The following ZGRF1 variants were observed in gnomAD, a reference collection of about 807,000 sequenced individuals.
ZGRF1 encodes 5'-3' DNA helicase ZGRF1.
ZGRF1 carries 196 observed loss-of-function variants against 203.5 expected under a neutral mutation model. That is an observed-to-expected ratio of 0.96 (90% CI 0.86 to 1.08). The LOEUF is 1.08. ZGRF1 is among the 50% of genes least tolerant of loss of function. ZGRF1 has a pLI of 0.00. For missense variants in ZGRF1, 2,326 were observed against 2,416.3 expected, an observed-to-expected ratio of 0.96 and a Z score of 0.78; for synonymous variants, 809 against 841.3, an observed-to-expected ratio of 0.96 and a Z score of 0.66.
rs1326511941 is a variant in ZGRF1 at position 112,539,496 on chromosome 4, G to A, written c.*51C>T. 4 of 913,728 alleles carry A rather than the reference G, an allele frequency of 4.4e-6. No homozygotes were observed. The highest frequency in any genetic ancestry group is 6.6e-6 in the Non-Finnish European group (4 of 608,686). The allele number at this position is 913,728 out of a possible 1,614,324, so 56.6% of individuals were successfully genotyped here. A position where few individuals can be genotyped will look rare whatever the true frequency, so the allele number is the denominator to read the frequency against. On this transcript the variant is annotated 3_prime_UTR_variant, in exon 28 of 28. Transcript: ENST00000505019. ...AATAAAAATATAAAAAATATATCAT[G>A]TAAAATGAGTCTGAATTTACATAAA... is the stretch of plus-strand genomic sequence containing the variant.
chr4:112,589,469 G>C (rs1274786109), intron 11 of ZGRF1, among the ~76,000 whole-genome samples: 8 of 152,178 alleles, frequency 5.3e-5, no homozygotes, highest in African/African-American at 1.9e-4. Context: ...GACAATGGTA[G>C]AAGATACTTT....
chr4:112,587,866 G>T lies in ZGRF1; in HGVS notation c.3191C>A (p.Thr1064Asn), dbSNP rs1051307557. ...NLQRLSLLSR[T>N]QVPLITLPRT... ...TGGCAAAGTAATAAGTGGAACCTGGGTTCTACTTAATAATGAAAGCCTTTG... is the reference window on the plus strand; with the variant it reads ...TGGCAAAGTAATAAGTGGAACCTGGTTTCTACTTAATAATGAAAGCCTTTG... The change falls in exon 12 of 28, where the codon ACC becomes AAC. Residue 1064 changes from threonine (T) to asparagine (N), a missense_variant. Coordinates refer to ENST00000505019, the MANE Select transcript of ZGRF1 (RefSeq NM_018392.5). The T allele has an allele frequency of 1.3e-6, 2 of 1,550,566 alleles. No homozygotes were observed. The highest frequency in any genetic ancestry group is 3.9e-5 in the Admixed American group (2 of 50,828).
chr4:112,541,211 T>G lies in ZGRF1; in HGVS notation c.5656A>C (p.Ile1886Leu), dbSNP rs991046667. The G allele has an allele frequency of 1.9e-6, 3 of 1,610,698 alleles. No individual in the cohort carries two copies. In the East Asian group the frequency reaches 6.7e-5, roughly 36 times the overall value. The stretch of plus-strand genomic sequence containing the variant: ...CCTTTGTAAAACAGATCATTAGCAA[T>G]AGCACTGATTGCAGGATGACAACGG... ...QYRCHPAISAIANDLFYKGAL... is the reference protein window; with the variant it reads ...QYRCHPAISALANDLFYKGAL... The change falls in exon 25 of 28, where the codon ATT (isoleucine) becomes CTT (leucine). Residue 1886 changes from isoleucine (I) to leucine (L), a missense_variant. Physicochemically the swap from Ile to Leu is conservative, Grantham distance 5. Transcript: ENST00000505019.
rs146409317 is a variant in ZGRF1, at chr4:112,612,677, A to G, written c.2603-89T>C. On this transcript the variant is annotated intron_variant, in intron 6 of 27. Transcript: ENST00000505019. ...TATTCCTAAAACCAAAACAAGGAAT[A>G]TAACTTAAATTTTAAGATCAGACAA... 3.8e-5 allele frequency: 29 copies of G among 757,684 alleles called. No individual in the cohort carries two copies. The East Asian group carries it at 6.2e-4, about 16-fold the overall frequency. 46.9% of individuals were successfully genotyped at this position (757,684 alleles called of 1,614,324 possible).
At chr4:112,553,064 C>T (rs899843960) in intron 22 of ZGRF1, among the ~76,000 whole-genome samples, 1 of 152,188 alleles carries the variant, frequency 6.6e-6, no homozygotes, top group Non-Finnish European at 1.5e-5. Context: ...AGTTTGTTAA[C>T]CCTCATTATT....
At chr4:112,596,850 C>T (rs979673432) in intron 10 of ZGRF1, among the ~76,000 whole-genome samples, 7 of 152,094 alleles carry the variant, frequency 4.6e-5, no homozygotes, top group African/African-American at 1.7e-4. Flanking sequence ...ACCTCGACCT[C>T]CCCAAGTGCT....
intron 7 of ZGRF1, among the ~76,000 whole-genome samples, chr4:112,609,959 T>C (rs1388921238): frequency 5.3e-5 from 8 of 151,804 alleles, no homozygotes; most frequent in African/African-American, 1.7e-4. Context: ...GGGAACATAG[T>C]GAAACCCCAT....
In ZGRF1 at chr4:112,633,238, AC is replaced by A; in HGVS notation, c.-63del. The A allele has an allele frequency of 7.9e-7, 1 of 1,265,366 alleles. No homozygotes were observed. The allele number at this position is 1,265,366 out of a possible 1,614,324, so 78.4% of individuals were successfully genotyped here. A position where few individuals can be genotyped will look rare whatever the true frequency, so the allele number is the denominator to read the frequency against. ...AAATAGGAAATATTCAACTATTTAT[AC>A]CACCTAAAATTAAAAATGACATAAA... On this transcript the variant is annotated 5_prime_UTR_variant, in exon 2 of 28. It introduces an in-frame stop codon into an upstream open reading frame of the 5' UTR. Transcript: ENST00000505019.
intron 3 of ZGRF1, among the ~76,000 whole-genome samples, chr4:112,626,058 T>C (rs1034823760): frequency 2.0e-5 from 3 of 152,118 alleles, no homozygotes; most frequent in African/African-American, 7.2e-5. Context: ...AATAGGTAAA[T>C]CTAGAGACAG....
At chr4:112,608,678 C>T (rs9307383) in intron 8 of ZGRF1, among the ~76,000 whole-genome samples, 91,975 of 152,002 alleles carry the variant, frequency 0.61, 28,564 homozygotes, top group East Asian at 0.95. Flanking sequence ...AAGACAAAAA[C>T]GTGATCATTT....
intron 3 of ZGRF1, among the ~76,000 whole-genome samples, chr4:112,625,257 C>A (rs1420209550): frequency 6.6e-6 from 1 of 152,194 alleles, no homozygotes; most frequent in East Asian, 1.9e-4. Context: ...CCACTGCAAT[C>A]CAGCCTGGGT....
At position 112,620,197 on chromosome 4, in the gene ZGRF1, GAATA is replaced by G. The variant is rs1160753444; in HGVS notation, c.163-11_163-8del. 10 of 1,589,672 alleles carry G rather than the reference GAATA, an allele frequency of 6.3e-6. No individual in the cohort carries two copies. In the Admixed American group the frequency reaches 1.5e-4, roughly 23 times the overall value. On this transcript the variant is annotated splice_region_variant and splice_polypyrimidine_tract_variant and intron_variant, in intron 4 of 27. Coordinates refer to ENST00000505019, the MANE Select transcript of ZGRF1 (RefSeq NM_018392.5). The stretch of plus-strand genomic sequence containing the variant: ...AGTCATCTCCAGGTTTCACCTGAAA[GAATA>G]AATGTCAAAATCACATACATCTAAT...
At chr4:112,580,172 TG>T (rs1490704349) in intron 16 of ZGRF1, among the ~76,000 whole-genome samples, 4 of 122,136 alleles carry the variant, frequency 3.3e-5, no homozygotes, top group Admixed American at 9.3e-5. Flanking sequence ...AACAAGCAAA[TG>T]GGAAAGGATT....
At chr4:112,590,924 C>CA (rs550984359) in intron 10 of ZGRF1, among the ~76,000 whole-genome samples, 5,071 of 64,320 alleles carry the variant, frequency 0.079, 301 homozygotes, top group African/African-American at 0.24. Context: ...GACTCCTTCT[C>CA]AAAAAAAAAA....
intron 13 of ZGRF1, among the ~76,000 whole-genome samples, chr4:112,585,980 G>A (rs1163785884): frequency 6.6e-6 from 1 of 151,870 alleles, no homozygotes; most frequent in Non-Finnish European, 1.5e-5. Flanking sequence ...GCTCATGCCT[G>A]TAATCAACGC....
intron 11 of ZGRF1, 116 bp downstream of exon 11, chr4:112,589,608 T>G: frequency 1.1e-6 from 1 of 913,434 alleles, no homozygotes; most frequent in South Asian, 1.6e-5. Context: ...TGGAAAGGCT[T>G]CAAGGGATAT....
chr4:112,625,020 G>A (rs1285286351), intron 3 of ZGRF1, among the ~76,000 whole-genome samples: 1 of 152,152 alleles, frequency 6.6e-6, no homozygotes, highest in Non-Finnish European at 1.5e-5. Context: ...GGCTCATGGT[G>A]TTAAACCCAG....
chr4:112,549,964 G>A (rs1038284169), intron 22 of ZGRF1, among the ~76,000 whole-genome samples: 6 of 151,632 alleles, frequency 4.0e-5, no homozygotes, highest in Non-Finnish European at 5.9e-5. Flanking sequence ...AGGCTGAGGC[G>A]GGCAGATCAC....
At chr4:112,563,793 C>T (rs1353272514) in intron 16 of ZGRF1, among the ~76,000 whole-genome samples, 2 of 152,084 alleles carry the variant, frequency 1.3e-5, no homozygotes, top group Non-Finnish European at 2.9e-5. Flanking sequence ...CTAAAAAGCC[C>T]AAGATCAAGG....
Sources: allele counts gnomAD v4.1 joint callset (sites outside exome capture counted in the v4.1 genomes callset), GRCh38; gene constraint gnomAD v4.1.1; transcripts MANE v1.5; gene names NCBI Gene and HGNC (gene_info 2026-07-23, HGNC 2026-07-21).